FBXL14: variants seen among roughly 807,000 people sequenced by gnomAD.
FBXL14 encodes the protein F-box and leucine rich repeat protein 14.
A neutral mutation model predicts 24.5 loss-of-function variants in FBXL14; 11 were observed. The observed-to-expected ratio is 0.45, with a 90% CI of 0.28 to 0.74. The LOEUF (loss-of-function observed/expected upper bound fraction) is 0.74, where lower values mean the gene tolerates loss of function less well. FBXL14 is among the 30% of genes least tolerant of loss of function. FBXL14 has a pLI of 0.12. For synonymous variants in FBXL14, 294 were observed against 240.4 expected (o/e 1.22, Z -2.06); for missense variants, 384 against 545.6 (o/e 0.70, Z 2.95).
At position 1,594,106 on chromosome 12, in the gene FBXL14, G is replaced by C. The variant is rs2154438482; in HGVS notation, c.-40C>G. 1 of 1,337,716 alleles carries C rather than the reference G, an allele frequency of 7.5e-7. No individual in the cohort carries two copies. Among genetic ancestry groups the C allele is most frequent in the Non-Finnish European group, 9.5e-7 (1 of 1,048,922 alleles). 82.9% of individuals were successfully genotyped at this position (1,337,716 alleles called of 1,614,324 possible). A position where few individuals can be genotyped will look rare whatever the true frequency, so the allele number is the denominator to read the frequency against. Reference sequence around the variant, plus strand: ...CTCCGCGGCGCTGGGGGGAGGAGGCGCGGGCCCCGCCGCTCCGGCCTCGGG... The same window carrying C: ...CTCCGCGGCGCTGGGGGGAGGAGGCCCGGGCCCCGCCGCTCCGGCCTCGGG... On this transcript the variant is annotated 5_prime_UTR_variant, in exon 1 of 2. Transcript: ENST00000339235.
In FBXL14 at chr12:1,579,446, G is replaced by A. The variant is rs537457816; in HGVS notation, c.1195-12636C>T. The stretch of plus-strand genomic sequence containing the variant: ...GCTATGGTCAACATGGTGAAACCCC[G>A]TCTCTACTAAAACACAAAAATTAGC... On this transcript the variant is annotated intron_variant, in intron 1 of 1. Coordinates refer to ENST00000339235, the MANE Select transcript of FBXL14 (RefSeq NM_152441.3). This position sits in a 1 kb window ranked among gnomAD's most constrained non-coding sequence, Gnocchi z 4.3. 1.6e-3 allele frequency among the ~76,000 whole-genome samples: 238 copies of A among 152,024 alleles called. 3 individuals are homozygous for A. The highest frequency in any genetic ancestry group is 2.0e-3 in the Non-Finnish European group (137 of 67,974).
In FBXL14 at chr12:1,594,322, T is replaced by C. The variant is rs2094497189; in HGVS notation, c.-256A>G. On this transcript the variant is annotated 5_prime_UTR_variant, in exon 1 of 2. An upstream open reading frame in the 5' UTR loses its in-frame stop. Transcript: ENST00000339235. ...CCCCGCCCCGGGCTCCGCACGGCGC[T>C]CACATCCCGGGCGGGGAAGGCGCCT... is the stretch of plus-strand genomic sequence containing the variant. 7.0e-6 allele frequency among the ~76,000 whole-genome samples: 1 copy of C among 142,054 alleles called. No homozygotes were observed. Among genetic ancestry groups the C allele is most frequent in the Admixed American group, 6.9e-5 (1 of 14,564 alleles). The allele number at this position is 142,054 out of a possible 152,430, so 93.2% of individuals were successfully genotyped here. A position where few individuals can be genotyped will look rare whatever the true frequency, so the allele number is the denominator to read the frequency against.
intron 1 of FBXL14, among the ~76,000 whole-genome samples, chr12:1,591,453 GTTA>G (rs1053924218): frequency 2.2e-5 from 3 of 135,898 alleles, no homozygotes; most frequent in Non-Finnish European, 3.1e-5. Flanking sequence ...GAGGATCTTT[GTTA>G]TTATTTATAC....
chr12:1,576,594 A>G (rs1396394900), intron 1 of FBXL14, among the ~76,000 whole-genome samples: 2 of 151,690 alleles, frequency 1.3e-5, no homozygotes, highest in Non-Finnish European at 2.9e-5. Flanking sequence ...ATTCCCAACT[A>G]TTTTCCCCCT....
intron 1 of FBXL14, among the ~76,000 whole-genome samples, chr12:1,571,596 A>G (rs2094445649): frequency 6.6e-6 from 1 of 152,194 alleles, no homozygotes; most frequent in South Asian, 2.1e-4. Context: ...TGAAAAAGAG[A>G]CTTGAAATAT....
At position 1,593,698 on chromosome 12, in the gene FBXL14, G is replaced by A. The variant is rs2094495514; in HGVS notation, c.369C>T (p.Asn123=). The change falls in exon 1 of 2, where the codon AAC becomes AAT. Residue 123 remains asparagine (N), a synonymous_variant. Coordinates refer to ENST00000339235, the MANE Select transcript of FBXL14 (RefSeq NM_152441.3). The surrounding 1 kb of genome is among the most constrained non-coding windows in gnomAD (Gnocchi z 7.4). ...VQEIGSLRAL[N]LSLCKQITDS... ...CAGTGATCTGCTTGCAGAGGCTCAGGTTGAGAGCGCGCAGGGAGCCGATCT... is the reference window on the plus strand; with the variant it reads ...CAGTGATCTGCTTGCAGAGGCTCAGATTGAGAGCGCGCAGGGAGCCGATCT... 2.5e-6 allele frequency: 4 copies of A among 1,614,060 alleles called. No homozygotes were observed. Among genetic ancestry groups the A allele is most frequent in the Non-Finnish European group, 8.5e-7 (1 of 1,180,042 alleles).
intron 1 of FBXL14, among the ~76,000 whole-genome samples, chr12:1,570,032 G>T (rs562961686): frequency 1.3e-5 from 2 of 152,350 alleles, no homozygotes; most frequent in South Asian, 4.1e-4. Flanking sequence ...AGAACGTTTT[G>T]CTGTTGTTGC....
Position 1,566,734 on chromosome 12 carries a change from T to C in FBXL14, c.*14A>G. On this transcript the variant is annotated 3_prime_UTR_variant, in exon 2 of 2. Transcript: ENST00000339235. ...TTAAAGATCCACGGGAACCATGTCG[T>C]TGTCCCCTCTCCCTCACCTTCTGGA... 1.3e-6 allele frequency: 1 copy of C among 780,726 alleles called. No homozygotes were observed. The highest frequency in any genetic ancestry group is 2.3e-4 in the Middle Eastern group (1 of 4,430). 48.4% of individuals were successfully genotyped at this position (780,726 alleles called of 1,614,324 possible). A position where few individuals can be genotyped will look rare whatever the true frequency, so the allele number is the denominator to read the frequency against.
chr12:1,566,775 C>T lies in FBXL14; in HGVS notation c.1230G>A (p.Val410=), dbSNP rs1401008949. 2 of 780,914 alleles carry T rather than the reference C, an allele frequency of 2.6e-6. No homozygotes were observed. Among genetic ancestry groups the T allele is most frequent in the East Asian group, 2.4e-5 (1 of 41,268 alleles). The allele number at this position is 780,914 out of a possible 1,614,324, so 48.4% of individuals were successfully genotyped here. Residue 410 remains valine, a synonymous_variant, in exon 2 of 2, where the codon GTG becomes GTA. Transcript: ENST00000339235. ...ACCTTCTGGAGCTTCCCCGAGTTCT[C>T]ACAGTGAATAATGGAGAAAAATCCC... ...ARGDFSPLFT[V]RTRGSSRR
At position 1,592,192 on chromosome 12, in the gene FBXL14, A is replaced by G. The variant is rs550205479; in HGVS notation, c.1194+681T>C. Among the ~76,000 whole-genome samples the G allele has an allele frequency of 2.0e-3, 288 of 144,468 alleles. 1 individual carries two copies. The highest frequency in any genetic ancestry group is 7.2e-3 in the Middle Eastern group (2 of 276). The allele number at this position is 144,468 out of a possible 152,430, so 94.8% of individuals were successfully genotyped here. A position where few individuals can be genotyped will look rare whatever the true frequency, so the allele number is the denominator to read the frequency against. On this transcript the variant is annotated intron_variant, in intron 1 of 1. Coordinates refer to ENST00000339235, the MANE Select transcript of FBXL14 (RefSeq NM_152441.3). Reference sequence around the variant, plus strand: ...ACGAGGTAGCCAGACATATATATGTATATATATATATATATAATTTATATA... The same window carrying G: ...ACGAGGTAGCCAGACATATATATGTGTATATATATATATATAATTTATATA...
chr12:1,575,794 A>AG (rs1309831354), intron 1 of FBXL14, among the ~76,000 whole-genome samples: 2 of 151,998 alleles, frequency 1.3e-5, no homozygotes, highest in Non-Finnish European at 1.5e-5. Flanking sequence ...GCGTCATGAG[A>AG]GGGTCACTGT....
In FBXL14 at chr12:1,594,003, C is replaced by T; in HGVS notation, c.64G>A (p.Val22Ile). 2 of 1,580,486 alleles carry T rather than the reference C, an allele frequency of 1.3e-6. No individual in the cohort carries two copies. Among genetic ancestry groups the T allele is most frequent in the Non-Finnish European group, 1.7e-6 (2 of 1,171,376 alleles). Reference protein sequence around the residue: ...LLAMIFGYLDVRDKGRAAQVC... With the variant: ...LLAMIFGYLDIRDKGRAAQVC... ...TGCGCCGCGCGCCCCTTGTCCCGGA[C>T]GTCCAGGTAGCCGAAGATCATGGCC... Residue 22 changes from valine to isoleucine, a missense_variant, in exon 1 of 2, where the codon GTC becomes ATC. Physicochemically the swap from Val to Ile is conservative, Grantham distance 29. Transcript: ENST00000339235.
chr12:1,578,860 G>T (rs1338687580), intron 1 of FBXL14, among the ~76,000 whole-genome samples: 1 of 152,048 alleles, frequency 6.6e-6, no homozygotes, highest in African/African-American at 2.4e-5. Context: ...TCAGACCACG[G>T]TGGGCTTTGC....
At chr12:1,590,469 A>G (rs1362574871) in intron 1 of FBXL14, among the ~76,000 whole-genome samples, 2 of 152,096 alleles carry the variant, frequency 1.3e-5, no homozygotes, top group Non-Finnish European at 2.9e-5. Context: ...ACCCAGACCA[A>G]TGTGAAACCA....
intron 1 of FBXL14, among the ~76,000 whole-genome samples, chr12:1,570,446 A>G (rs973436529): frequency 9.2e-5 from 14 of 152,142 alleles, no homozygotes; most frequent in African/African-American, 3.4e-4. Flanking sequence ...AAAAAAGTGC[A>G]GGAGCTGGTG....
At chr12:1,586,694 T>G (rs1028602501) in intron 1 of FBXL14, among the ~76,000 whole-genome samples, 1 of 152,162 alleles carries the variant, frequency 6.6e-6, no homozygotes, top group Non-Finnish European at 1.5e-5. Flanking sequence ...TTTATAAAAT[T>G]AAATGTACCA....
In FBXL14 at chr12:1,593,803, G is replaced by C; in HGVS notation, c.264C>G (p.Gly88=). 6.2e-7 allele frequency: 1 copy of C among 1,614,188 alleles called. No individual in the cohort carries two copies. The highest frequency in any genetic ancestry group is 8.5e-7 in the Non-Finnish European group (1 of 1,180,020). ...GGTTGAGGCTCTCGATGTTGGCCAT[G>C]CCCTGGATCACGTAGCTGAGGCTGC... ...LRRSLSYVIQ[G]MANIESLNLS... Residue 88 remains glycine, a synonymous_variant, in exon 1 of 2, where the codon GGC becomes GGG. Transcript: ENST00000339235. The surrounding 1 kb of genome is among the most constrained non-coding windows in gnomAD (Gnocchi z 7.4).
At chr12:1,592,800 G>C in intron 1 of FBXL14, 73 bp downstream of exon 1, 1 of 1,260,266 alleles carries the variant, frequency 7.9e-7, no homozygotes, top group East Asian at 2.4e-5. Context: ...GCGTGTGAGT[G>C]TGTGGGGGCG....
At chr12:1,575,363 A>G (rs546202186) in intron 1 of FBXL14, among the ~76,000 whole-genome samples, 5 of 152,286 alleles carry the variant, frequency 3.3e-5, no homozygotes, top group Non-Finnish European at 5.9e-5. Flanking sequence ...AATCTTATCT[A>G]TCTGTCTTAT....
Sources: allele counts gnomAD v4.1 joint callset (sites outside exome capture counted in the v4.1 genomes callset), GRCh38; gene constraint gnomAD v4.1.1; non-coding constraint Gnocchi (gnomAD v3.1); transcripts MANE v1.5; gene names NCBI Gene and HGNC (gene_info 2026-07-23, HGNC 2026-07-21).